RDH12: variants seen among roughly 807,000 people sequenced by gnomAD.
RDH12 encodes retinol dehydrogenase 12.
RDH12 carries 21 observed loss-of-function variants against 34.0 expected under a neutral mutation model. The ratio of observed to expected loss-of-function variants is 0.62; its 90% CI spans 0.44 to 0.89. The LOEUF is 0.89. RDH12 is among the 40% of genes least tolerant of loss of function. The probability of loss-of-function intolerance (pLI) is 0.00; values close to 1 mark genes in which losing one functional copy is unlikely to be tolerated. For missense variants in RDH12, 394 were observed against 398.6 expected (o/e 0.99, Z 0.10); for synonymous variants, 198 against 169.9 (o/e 1.17, Z -1.29).
intron 2 of RDH12, 74 bp from the exon 3 acceptor site, chr14:67,722,350 T>C: frequency 1.9e-6 from 1 of 517,522 alleles, no homozygotes; most frequent in South Asian, 2.1e-5. Context: ...GGTACTTGCT[T>C]TAGTTTCCCC....
At chr14:67,731,881 C>T (rs1485260509) in intron 8 of RDH12, among the ~76,000 whole-genome samples, 1 of 151,850 alleles carries the variant, frequency 6.6e-6, no homozygotes, top group East Asian at 1.9e-4. Flanking sequence ...AATCCCAGCA[C>T]TTTGGGAGGC....
chr14:67,723,120 T>C (rs1410709018), intron 3 of RDH12, among the ~76,000 whole-genome samples: 1 of 152,220 alleles, frequency 6.6e-6, no homozygotes, highest in Non-Finnish European at 1.5e-5. Flanking sequence ...ACCAGGTAGT[T>C]TGGGAAAGAA....
intron 7 of RDH12, chr14:67,727,455 T>G: frequency 2.3e-6 from 1 of 444,264 alleles, no homozygotes; most frequent in Non-Finnish European, 4.1e-6. Context: ...AGTAGCTTTT[T>G]GCAACAGACA....
Position 67,710,467 on chromosome 14 carries a change from G to A in RDH12, c.-275+8532G>A, listed in dbSNP as rs77617891. On this transcript the variant is annotated intron_variant, in intron 1 of 8. Transcript: ENST00000551171. ...ACATAGACCTTTTGTGACATGCTTGGACTTTCCAGTTTGTCTTGAACATCC... is the reference window on the plus strand; with the variant it reads ...ACATAGACCTTTTGTGACATGCTTGAACTTTCCAGTTTGTCTTGAACATCC... Among the ~76,000 whole-genome samples the A allele has an allele frequency of 1.4e-3, 212 of 152,112 alleles. 4 individuals are homozygous for A. In the East Asian group the frequency reaches 0.033, roughly 24 times the overall value.
At chr14:67,726,187 T>A in intron 6 of RDH12, 32 bp downstream of exon 6, 2 of 1,198,400 alleles carry the variant, frequency 1.7e-6, no homozygotes, top group Non-Finnish European at 2.5e-6. Flanking sequence ...AAAAATGAGG[T>A]ACACCCACTA....
intron 7 of RDH12, chr14:67,727,532 G>C (rs2038205306): frequency 3.0e-6 from 1 of 330,864 alleles, no homozygotes; most frequent in East Asian, 8.5e-5. Flanking sequence ...GCCCAGGCTG[G>C]AGTGCAGTAG....
chr14:67,706,856 G>A (rs1310281544), intron 1 of RDH12, among the ~76,000 whole-genome samples: 1 of 152,110 alleles, frequency 6.6e-6, no homozygotes, highest in Non-Finnish European at 1.5e-5. Flanking sequence ...GGTTAGGATG[G>A]TTCGTTCCTA....
chr14:67,719,854 A>G (rs535061337), intron 1 of RDH12, among the ~76,000 whole-genome samples: 3 of 152,280 alleles, frequency 2.0e-5, no homozygotes, highest in Admixed American at 1.3e-4. Flanking sequence ...ACAGCTGTAT[A>G]CTATCTATTA....
chr14:67,704,162 G>A (rs1453980075), intron 1 of RDH12, among the ~76,000 whole-genome samples: 2 of 152,034 alleles, frequency 1.3e-5, no homozygotes, highest in Non-Finnish European at 2.9e-5. Flanking sequence ...TGTGTGTATT[G>A]TGAAATTCTA....
chr14:67,704,317 A>T (rs2037930294), intron 1 of RDH12, among the ~76,000 whole-genome samples: 1 of 152,188 alleles, frequency 6.6e-6, no homozygotes, highest in Non-Finnish European at 1.5e-5. Context: ...AAATCGTTTC[A>T]CATATCTTTT....
chr14:67,709,424 C>G (rs144041111), intron 1 of RDH12, among the ~76,000 whole-genome samples: 1 of 152,166 alleles, frequency 6.6e-6, no homozygotes, highest in Admixed American at 6.5e-5. Context: ...CTTTCATAAG[C>G]CTTTCATAAC....
In RDH12 at chr14:67,720,855, T is replaced by C. The variant is rs1177423803; in HGVS notation, c.-267T>C. 4 of 152,236 alleles carry C rather than the reference T, an allele frequency of 2.6e-5. No homozygotes were observed. The highest frequency in any genetic ancestry group is 5.9e-5 in the Non-Finnish European group (4 of 68,038). 9.4% of individuals were successfully genotyped at this position (152,236 alleles called of 1,614,324 possible). On this transcript the variant is annotated 5_prime_UTR_variant, in exon 2 of 9. Coordinates refer to ENST00000551171, the MANE Select transcript of RDH12 (RefSeq NM_152443.3). The stretch of plus-strand genomic sequence containing the variant: ...CTAATATCTTCTCTCCAGAGGACTG[T>C]ATGCTGTTCTTAAGGACTCTCTGCT...
intron 1 of RDH12, among the ~76,000 whole-genome samples, chr14:67,715,830 C>A (rs2038062079): frequency 6.6e-6 from 1 of 152,208 alleles, no homozygotes; most frequent in Non-Finnish European, 1.5e-5. Flanking sequence ...CTGCTTCATG[C>A]AAACCTTGGT....
chr14:67,712,605 G>A (rs2038022558), intron 1 of RDH12, among the ~76,000 whole-genome samples: 1 of 150,370 alleles, frequency 6.7e-6, no homozygotes, highest in South Asian at 2.1e-4. Flanking sequence ...TTTTAATTAA[G>A]CTGACTTTTA....
intron 4 of RDH12, 74 bp downstream of exon 4, chr14:67,724,665 T>C (rs566901100): frequency 8.7e-7 from 1 of 1,145,288 alleles, no homozygotes; most frequent in South Asian, 1.2e-5. Context: ...CTGTCCATAT[T>C]GCTTTGTGTT....
At position 67,714,172 on chromosome 14, in the gene RDH12, G is replaced by A. The variant is rs373453535; in HGVS notation, c.-274-6676G>A. ...TACTTTTGAGACAGGGTCTTGCTCC[G>A]TCTCCCAGGCTGGAGTGCAGTGGTG... On this transcript the variant is annotated intron_variant, in intron 1 of 8. Coordinates refer to ENST00000551171, the MANE Select transcript of RDH12 (RefSeq NM_152443.3). Among the ~76,000 whole-genome samples, 58 of 152,146 alleles carry A rather than the reference G, an allele frequency of 3.8e-4. 1 individual carries two copies. Among genetic ancestry groups the A allele is most frequent in the African/African-American group, 1.1e-3 (47 of 41,494 alleles).
intron 7 of RDH12, chr14:67,727,485 G>GTTT (rs762341739): frequency 6.2e-5 from 16 of 259,566 alleles, no homozygotes; most frequent in East Asian, 2.1e-4. Context: ...TGTTTTTTTT[G>GTTT]TTTTTTTTTT....
chr14:67,727,284 T>C, intron 7 of RDH12, 94 bp downstream of exon 7: 1 of 882,972 alleles, frequency 1.1e-6, no homozygotes, highest in Non-Finnish European at 1.8e-6. Context: ...AACATGCACG[T>C]GTCAGTAATA....
Position 67,717,109 on chromosome 14 carries a change from T to C in RDH12, c.-274-3739T>C, listed in dbSNP as rs887571083. On this transcript the variant is annotated intron_variant, in intron 1 of 8. Transcript: ENST00000551171. ...AAACTTCAGCATGTATATATATCAT[T>C]CATTAACTAGAGTTCAATATTTATT... Among the ~76,000 whole-genome samples the C allele has an allele frequency of 2.6e-5, 4 of 152,000 alleles. No individual in the cohort carries two copies. In the East Asian group the frequency reaches 7.7e-4, roughly 29 times the overall value.
Sources: gnomAD v4.1 joint callset for allele counts (sites outside exome capture counted in the v4.1 genomes callset) on GRCh38, gnomAD v4.1.1 for gene constraint, MANE v1.5 for transcripts, NCBI Gene and HGNC (gene_info 2026-07-23, HGNC 2026-07-21) for gene names.